Variants in EVC observed in about 807,000 individuals in gnomAD.
The protein encoded by EVC is evC complex member EVC.
In EVC, 116 loss-of-function variants were observed where a neutral mutation model predicts 118.9. The ratio of observed to expected loss-of-function variants is 0.98; its 90% CI spans 0.84 to 1.14. The LOEUF is 1.14. Among genes scored for constraint, EVC ranks in the 50% most tolerant of loss-of-function variants. The pLI is 0.00. For synonymous variants in EVC, 619 were observed against 534.7 expected, an observed-to-expected ratio of 1.16 and a Z score of -2.18; for missense variants, 1,401 against 1,246.4, an observed-to-expected ratio of 1.12 and a Z score of -1.87.
chr4:5,788,653 T>C (rs1712169239), intron 12 of EVC, among the ~76,000 whole-genome samples: 1 of 152,122 alleles, frequency 6.6e-6, no homozygotes, highest in African/African-American at 2.4e-5. Flanking sequence ...GGACAAGAAA[T>C]CCCATTGATT....
intron 1 of EVC, among the ~76,000 whole-genome samples, chr4:5,712,835 AAC>A (rs1404774578): frequency 6.6e-6 from 1 of 152,156 alleles, no homozygotes; most frequent in Non-Finnish European, 1.5e-5. Context: ...AAAGGGAAGT[AAC>A]ACACAGAGAC....
At position 5,756,436 on chromosome 4, in the gene EVC, G is replaced by C; in HGVS notation, c.1563+74G>C. ...TGTGCGAGAACCTCACATCCTCCTG[G>C]CTGGGGACCCCAGAGGTGGTTCAGG... On this transcript the variant is annotated intron_variant, in intron 11 of 20. Transcript: ENST00000264956. The surrounding 1 kb of genome is among the most constrained non-coding windows in gnomAD (Gnocchi z 4.2). 1 of 1,341,086 alleles carries C rather than the reference G, an allele frequency of 7.5e-7. No individual in the cohort carries two copies. Among genetic ancestry groups the C allele is most frequent in the Non-Finnish European group, 1.0e-6 (1 of 956,708 alleles). 83.1% of individuals were successfully genotyped at this position (1,341,086 alleles called of 1,614,324 possible). A position where few individuals can be genotyped will look rare whatever the true frequency, so the allele number is the denominator to read the frequency against.
intron 16 of EVC, among the ~76,000 whole-genome samples, chr4:5,803,267 C>T (rs1715328665): frequency 1.3e-5 from 2 of 152,230 alleles, no homozygotes; most frequent in South Asian, 4.1e-4. Flanking sequence ...GAATTGGAAT[C>T]TATCCCAGGA....
intron 11 of EVC, among the ~76,000 whole-genome samples, chr4:5,782,389 A>ATTT (rs71171482): frequency 2.2e-3 from 172 of 78,596 alleles, no homozygotes; most frequent in Non-Finnish European, 2.6e-3. Context: ...GTAAGGTTCC[A>ATTT]TTTTTTTTTT....
chr4:5,776,344 A>G (rs1220353352), intron 11 of EVC, among the ~76,000 whole-genome samples: 1 of 152,122 alleles, frequency 6.6e-6, no homozygotes. Context: ...TGTAGCAAAA[A>G]GTGACCCTGT....
At chr4:5,804,586 A>G in intron 16 of EVC, 144 bp from the exon 17 acceptor site, 1 of 725,306 alleles carries the variant, frequency 1.4e-6, no homozygotes, top group South Asian at 1.5e-5. Context: ...TGTGCACACA[A>G]TGCCCTGTCC....
In EVC at chr4:5,801,939, T is replaced by C. The variant is rs773591401; in HGVS notation, c.2305-11T>C. On this transcript the variant is annotated splice_polypyrimidine_tract_variant and intron_variant, in intron 15 of 20. Transcript: ENST00000264956. ...TTCTCTGCTGTCCCTGTCCTTCCTT[T>C]CTTCCCTCAGAGGACACTGATGGAG... 2 of 1,612,686 alleles carry C rather than the reference T, an allele frequency of 1.2e-6. No homozygotes were observed. Among genetic ancestry groups the C allele is most frequent in the South Asian group, 2.2e-5 (2 of 90,940 alleles).
chr4:5,793,402 T>C, intron 12 of EVC: 1 of 600,708 alleles, frequency 1.7e-6, no homozygotes, highest in South Asian at 2.0e-5. Context: ...TTTAAAATTT[T>C]CGTATTTGCA....
intron 15 of EVC, among the ~76,000 whole-genome samples, chr4:5,800,460 C>T (rs945524969): frequency 7.2e-5 from 11 of 152,216 alleles, no homozygotes; most frequent in African/African-American, 2.2e-4. Context: ...AATGTGTGTG[C>T]CAGTGGGTAC....
chr4:5,825,533 G>A, the EVC span: 1 of 1,588,638 alleles, frequency 6.3e-7, no homozygotes, highest in Non-Finnish European at 8.5e-7. The surrounding 1 kb of genome is among the most constrained non-coding windows in gnomAD (Gnocchi z 4.4). Flanking sequence ...TTTCTGATGG[G>A]TGGGGGCTGG....
At chr4:5,823,848 C>G in the EVC span, among the ~76,000 whole-genome samples, 2 of 152,132 alleles carry the variant, frequency 1.3e-5, no homozygotes, top group Admixed American at 1.3e-4. Flanking sequence ...TGTAAATGGA[C>G]GAAAACAGAC....
chr4:5,778,908 C>T (rs1240160044), intron 11 of EVC, among the ~76,000 whole-genome samples: 2 of 151,978 alleles, frequency 1.3e-5, no homozygotes, highest in Non-Finnish European at 2.9e-5. Flanking sequence ...GACATGAAGT[C>T]CTTGCACATG....
At chr4:5,768,454 C>T (rs1454364680) in intron 11 of EVC, among the ~76,000 whole-genome samples, 1 of 152,082 alleles carries the variant, frequency 6.6e-6, no homozygotes, top group Non-Finnish European at 1.5e-5. Context: ...TATCCCACCT[C>T]CTCTATGTTA....
intron 11 of EVC, among the ~76,000 whole-genome samples, chr4:5,776,438 C>T (rs980634399): frequency 2.0e-5 from 3 of 152,116 alleles, no homozygotes; most frequent in African/African-American, 7.2e-5. Flanking sequence ...GCATCAAGGT[C>T]ATGGGCACTG....
In EVC at chr4:5,754,688, G is replaced by T. The variant is rs994421262; in HGVS notation, c.1464+755G>T. Among the ~76,000 whole-genome samples the T allele has an allele frequency of 6.6e-6, 1 of 152,110 alleles. No individual in the cohort carries two copies. Among genetic ancestry groups the T allele is most frequent in the African/African-American group, 2.4e-5 (1 of 41,420 alleles). On this transcript the variant is annotated intron_variant, in intron 10 of 20. Coordinates refer to ENST00000264956, the MANE Select transcript of EVC (RefSeq NM_153717.3). This position sits in a 1 kb window ranked among gnomAD's most constrained non-coding sequence, Gnocchi z 5.8. ...CTGAGGCCAGCCACACTTGGGTTTG[G>T]GTGCTGACTCTGCCACTAAATAGCT...
At position 5,733,405 on chromosome 4, in the gene EVC, G is replaced by T. The variant is rs1727157288; in HGVS notation, c.672G>T (p.Leu224Phe). 1 of 1,613,958 alleles carries T rather than the reference G, an allele frequency of 6.2e-7. No individual in the cohort carries two copies. Among genetic ancestry groups the T allele is most frequent in the African/African-American group, 1.3e-5 (1 of 74,900 alleles). ...TTCACTTAAAAGACCTGCTGCATTT[G>T]GACACGGCACTGAGGCAGGAAAAGC... ...YSLHLKDLLH[L>F]DTALRQEKHM... The change falls in exon 5 of 21, where the codon TTG (leucine) becomes TTT (phenylalanine). Residue 224 changes from leucine (L) to phenylalanine (F), a missense_variant. Physicochemically the swap from Leu to Phe is conservative, Grantham distance 22 (BLOSUM62 0). Coordinates refer to ENST00000264956, the MANE Select transcript of EVC (RefSeq NM_153717.3).
At chr4:5,783,086 G>A (rs888382242) in intron 11 of EVC, among the ~76,000 whole-genome samples, 1 of 152,132 alleles carries the variant, frequency 6.6e-6, no homozygotes, top group Non-Finnish European at 1.5e-5. Context: ...CTGTGCGTGT[G>A]TGCGTGTGTG....
chr4:5,714,588 T>G (rs1723641316), intron 1 of EVC, among the ~76,000 whole-genome samples: 1 of 150,826 alleles, frequency 6.6e-6, no homozygotes, highest in East Asian at 2.0e-4. Flanking sequence ...CCTTCCTCCA[T>G]AAAATGTCCA....
rs920598431 is a variant in EVC, at chr4:5,749,210, G to A, written c.1098+904G>A. Among the ~76,000 whole-genome samples, 5 of 152,008 alleles carry A rather than the reference G, an allele frequency of 3.3e-5. No homozygotes were observed. The highest frequency in any genetic ancestry group is 1.2e-4 in the African/African-American group (5 of 41,378). ...TTAAAACTCCCTGAACTATTCTGAC[G>A]GGAGGCCAGGGATACAAACCCCTGG... On this transcript the variant is annotated intron_variant, in intron 8 of 20. Transcript: ENST00000264956. The surrounding 1 kb of genome is among the most constrained non-coding windows in gnomAD (Gnocchi z 4.4).
Sources: allele counts gnomAD v4.1 joint callset (sites outside exome capture counted in the v4.1 genomes callset), GRCh38; gene constraint gnomAD v4.1.1; non-coding constraint Gnocchi (gnomAD v3.1); transcripts MANE v1.5; gene names NCBI Gene and HGNC (gene_info 2026-07-23, HGNC 2026-07-21).